Variants in L3MBTL4 observed in about 807,000 individuals in gnomAD.
L3MBTL4 encodes L3MBTL histone methyl-lysine binding protein 4.
Under a neutral mutation model 84.5 loss-of-function variants are expected in L3MBTL4, and 70 were observed. That is an observed-to-expected ratio of 0.83 (90% CI 0.68 to 1.01). L3MBTL4 has a LOEUF of 1.01. Ranked by LOEUF, L3MBTL4 falls within the 50% of genes least tolerant of loss-of-function variation. The pLI is 0.00. For missense variants in L3MBTL4, 715 were observed against 754.8 expected, an observed-to-expected ratio of 0.95 and a Z score of 0.62; for synonymous variants, 274 against 259.8, an observed-to-expected ratio of 1.05 and a Z score of -0.52.
intron 17 of L3MBTL4, among the ~76,000 whole-genome samples, chr18:5,966,385 C>T (rs541998315): frequency 1.7e-4 from 26 of 152,278 alleles, no homozygotes; most frequent in South Asian, 6.2e-4. Context: ...CCTCAAAACC[C>T]GACCAGCTCT....
chr18:6,249,463 G>C (rs2146221122), intron 5 of L3MBTL4, among the ~76,000 whole-genome samples: 2 of 152,294 alleles, frequency 1.3e-5, no homozygotes, highest in Middle Eastern at 3.4e-3. Flanking sequence ...TGTTACTCTT[G>C]TCAGCCTTTC....
chr18:6,383,803 T>G (rs1599857928), intron 1 of L3MBTL4, among the ~76,000 whole-genome samples: 1 of 152,214 alleles, frequency 6.6e-6, no homozygotes, highest in East Asian at 1.9e-4. Flanking sequence ...CTAAGTTTTT[T>G]GCTTTGGTAA....
At chr18:6,243,563 A>C (rs1409444795) in intron 6 of L3MBTL4, 134 bp from the exon 7 acceptor site, 3 of 627,916 alleles carry the variant, frequency 4.8e-6, no homozygotes, top group Non-Finnish European at 4.9e-6. Context: ...AAATGTTTCC[A>C]TTAAAGAAGA....
At chr18:6,263,814 G>T in intron 5 of L3MBTL4, 133 bp downstream of exon 5, 1 of 739,124 alleles carries the variant, frequency 1.4e-6, no homozygotes, top group Non-Finnish European at 2.4e-6. Flanking sequence ...GATTAGGTTT[G>T]TGGGGTCATT....
intron 1 of L3MBTL4, chr18:6,395,508 TAA>T (rs2144582362): frequency 6.6e-6 from 1 of 152,288 alleles, no homozygotes; most frequent in East Asian, 1.9e-4. Flanking sequence ...TATTACTAAG[TAA>T]AATGATGTGT....
chr18:6,405,581 T>C (rs1216891613), intron 1 of L3MBTL4, among the ~76,000 whole-genome samples: 3 of 115,328 alleles, frequency 2.6e-5, no homozygotes, highest in Non-Finnish European at 5.5e-5. Flanking sequence ...TGAGCCTGAG[T>C]GCCTGCTAAA....
intron 14 of L3MBTL4, among the ~76,000 whole-genome samples, chr18:6,123,835 G>A (rs1403016909): frequency 6.6e-6 from 1 of 152,098 alleles, no homozygotes; most frequent in African/African-American, 2.4e-5. Context: ...TTTAGTTAAG[G>A]GCTAGGCCCA....
At chr18:6,229,627 T>C (rs2046914051) in intron 10 of L3MBTL4, among the ~76,000 whole-genome samples, 1 of 152,232 alleles carries the variant, frequency 6.6e-6, no homozygotes, top group African/African-American at 2.4e-5. Flanking sequence ...GGTTTTCTTA[T>C]GTTTAGGTCT....
intron 1 of L3MBTL4, among the ~76,000 whole-genome samples, chr18:6,409,669 AC>A (rs1043932013): frequency 2.6e-5 from 4 of 151,964 alleles, no homozygotes; most frequent in Non-Finnish European, 5.9e-5. Flanking sequence ...GAATATCAAA[AC>A]CCACCATCAC....
intron 17 of L3MBTL4, among the ~76,000 whole-genome samples, chr18:5,964,812 C>A (rs7235198): frequency 1.3e-5 from 2 of 152,132 alleles, no homozygotes; most frequent in Admixed American, 1.3e-4. Context: ...CGTGTGCCTA[C>A]ACATATATAC....
chr18:6,022,291 A>G (rs545309936), intron 16 of L3MBTL4, among the ~76,000 whole-genome samples: 3 of 152,234 alleles, frequency 2.0e-5, no homozygotes, highest in South Asian at 2.1e-4. Flanking sequence ...TGCAGTATTC[A>G]TGGAGCTGTG....
intron 1 of L3MBTL4, among the ~76,000 whole-genome samples, chr18:6,336,940 G>A (rs1250420792): frequency 2.0e-5 from 3 of 152,104 alleles, no homozygotes; most frequent in African/African-American, 7.2e-5. Flanking sequence ...ATGAAAGACA[G>A]TATATTTCAC....
In L3MBTL4 at chr18:6,079,167, T is replaced by A. The variant is rs117817829; in HGVS notation, c.1444+1714A>T. 5.1e-3 allele frequency among the ~76,000 whole-genome samples: 778 copies of A among 152,226 alleles called. 6 individuals carry two copies. The highest frequency in any genetic ancestry group is 0.034 in the Middle Eastern group (10 of 292). On this transcript the variant is annotated intron_variant, in intron 16 of 18. Coordinates refer to ENST00000317931, the MANE Select transcript of L3MBTL4 (RefSeq NM_001330559.2). ...GGTCTGTAGCCTAGGTGTTGGGGAC[T>A]CCGGACATACAAGGAAGAGCCACTT...
At chr18:6,241,569 G>C in intron 7 of L3MBTL4, 120 bp from the exon 8 acceptor site, 1 of 569,528 alleles carries the variant, frequency 1.8e-6, no homozygotes, top group Non-Finnish European at 3.1e-6. Flanking sequence ...GAAAAAAAAC[G>C]CAATTACTTT....
chr18:5,986,782 G>A (rs772922990), intron 16 of L3MBTL4, among the ~76,000 whole-genome samples: 2 of 152,226 alleles, frequency 1.3e-5, no homozygotes, highest in Non-Finnish European at 2.9e-5. Flanking sequence ...GCATGGGCCC[G>A]AGTCCAACTA....
chr18:6,262,903 A>G (rs2048468213), intron 5 of L3MBTL4, among the ~76,000 whole-genome samples: 1 of 152,176 alleles, frequency 6.6e-6, no homozygotes, highest in Non-Finnish European at 1.5e-5. Context: ...GCCCTTTCAC[A>G]TGCTAACATG....
intron 1 of L3MBTL4, among the ~76,000 whole-genome samples, chr18:6,346,075 G>A (rs1168154779): frequency 1.4e-5 from 2 of 139,896 alleles, no homozygotes; most frequent in East Asian, 4.2e-4. Context: ...AATGGAGAAA[G>A]GACAGTCTCT....
At chr18:6,222,927 C>A (rs1372136109) in intron 10 of L3MBTL4, among the ~76,000 whole-genome samples, 1 of 146,602 alleles carries the variant, frequency 6.8e-6, no homozygotes, top group Non-Finnish European at 1.5e-5. Flanking sequence ...GGAAGGATTT[C>A]TTTGGACTGT....
At chr18:6,207,780 G>T (rs560061128) in intron 12 of L3MBTL4, among the ~76,000 whole-genome samples, 1 of 152,026 alleles carries the variant, frequency 6.6e-6, no homozygotes, top group South Asian at 2.1e-4. Flanking sequence ...TTGGTATCTT[G>T]CTCTATCCTC....
Sources: gnomAD v4.1 joint callset for allele counts (sites outside exome capture counted in the v4.1 genomes callset) on GRCh38, gnomAD v4.1.1 for gene constraint, MANE v1.5 for transcripts, NCBI Gene and HGNC (gene_info 2026-07-23, HGNC 2026-07-21) for gene names.